PRRC2A: variants seen among roughly 807,000 people sequenced by gnomAD.
PRRC2A encodes the protein protein PRRC2A.
A neutral mutation model predicts 224.6 loss-of-function variants in PRRC2A; 59 were observed. The observed-to-expected ratio is 0.26, with a 90% CI of 0.21 to 0.33. PRRC2A has a LOEUF of 0.33. Among genes scored for constraint, PRRC2A ranks in the 10% least tolerant of loss-of-function variants. The pLI is 1.00. For missense variants in PRRC2A, 3,095 were observed against 2,880.7 expected, an observed-to-expected ratio of 1.07 and a Z score of -1.70; for synonymous variants, 1,194 against 1,109.5, an observed-to-expected ratio of 1.08 and a Z score of -1.51.
rs1403483690 is a variant in PRRC2A, at chr6:31,627,460, G to A, written c.1290+262G>A. On this transcript the variant is annotated intron_variant, in intron 11 of 30. Transcript: ENST00000376033. This position sits in a 1 kb window ranked among gnomAD's most constrained non-coding sequence, Gnocchi z 5.6. ...GGGTTTCGGAAGGAGAGAGGGAACA[G>A]AAAAATAAAAAGACTAGGGTGGCTA... Among the ~76,000 whole-genome samples, 1 of 152,132 alleles carries A rather than the reference G, an allele frequency of 6.6e-6. No individual in the cohort carries two copies. Among genetic ancestry groups the A allele is most frequent in the Non-Finnish European group, 1.5e-5 (1 of 68,006 alleles).
intron 20 of PRRC2A, 41 bp from the exon 21 acceptor site, chr6:31,634,712 T>C (rs2242657): frequency 0.14 from 219,023 of 1,595,806 alleles, 17,186 homozygotes; most frequent in Admixed American, 0.22. Context: ...TTGGGGTGCT[T>C]TCTACCCTGA....
In PRRC2A at chr6:31,633,577, C is replaced by A. The variant is rs780956114; in HGVS notation, c.4518C>A (p.Ala1506=). The A allele has an allele frequency of 1.2e-6, 2 of 1,612,978 alleles. No homozygotes were observed. The highest frequency in any genetic ancestry group is 1.1e-5 in the South Asian group (1 of 91,082). ...HPRHKPGLPQ[A]PQGPSPRPPT... is the part of the protein sequence containing the mutation. ...GGCACAAGCCTGGGCTTCCCCAAGC[C>A]CCTCAGGGCCCCTCTCCTAGGCCCC... Residue 1506 remains alanine (A), a synonymous_variant, in exon 17 of 31, where the codon GCC becomes GCA. Transcript: ENST00000376033.
rs756087886 is a variant in PRRC2A, at chr6:31,631,461, C to G, written c.2788C>G (p.Pro930Ala). 3 of 1,610,118 alleles carry G rather than the reference C, an allele frequency of 1.9e-6. No individual in the cohort carries two copies. ...CACAGAGACCCGCTGGGGCCCTCGT[C>G]CAGGGAGCAGTCGTCGTGGAATCCC... ...SRTETRWGPR[P>A]GSSRRGIPPE... Residue 930 changes from proline (P) to alanine (A), a missense_variant, in exon 16 of 31, where the codon CCA becomes GCA. Physicochemically the swap from Pro to Ala is conservative, Grantham distance 27. Coordinates refer to ENST00000376033, the MANE Select transcript of PRRC2A (RefSeq NM_004638.4). The surrounding 1 kb of genome is among the most constrained non-coding windows in gnomAD (Gnocchi z 4.5).
At position 31,633,501 on chromosome 6, in the gene PRRC2A, C is replaced by T. The variant is rs1031361708; in HGVS notation, c.4442C>T (p.Ala1481Val). The T allele has an allele frequency of 1.9e-6, 3 of 1,612,988 alleles. No homozygotes were observed. The highest frequency in any genetic ancestry group is 1.7e-5 in the Admixed American group (1 of 60,012). ...CCTGCTGGCATCCAACAGGCTCTGG[C>T]CCAGCTTAGTAGCCGTCAAGGGAGT... ...SNPAGIQQAL[A>V]QLSSRQGSVT... The change falls in exon 17 of 31, where the codon GCC (alanine) becomes GTC (valine). Residue 1481 changes from alanine to valine, a missense_variant. Around this residue, in one of 8 missense-constraint regions of PRRC2A, gnomAD observed 2,001 missense variants for 1,764.9 expected, o/e 1.13. Transcript: ENST00000376033.
chr6:31,629,910 G>T, intron 14 of PRRC2A, 65 bp downstream of exon 14: 11 of 1,590,152 alleles, frequency 6.9e-6, no homozygotes, highest in Non-Finnish European at 9.4e-6. Context: ...TGGATATTAG[G>T]GTCTTACTGT....
intron 9 of PRRC2A, 68 bp downstream of exon 9, chr6:31,626,230 C>G (rs1775896395): frequency 2.0e-6 from 3 of 1,529,182 alleles, no homozygotes; most frequent in East Asian, 2.3e-5. Flanking sequence ...AAAAAAAATA[C>G]AGGGTTATGT....
At chr6:31,623,034 C>T in intron 2 of PRRC2A, 133 bp downstream of exon 2, 1 of 840,812 alleles carries the variant, frequency 1.2e-6, no homozygotes. Context: ...CAACTTTACA[C>T]TGGGTCCTTT....
chr6:31,623,686 C>A (rs1372811402), intron 2 of PRRC2A, 46 bp from the exon 3 acceptor site: 6 of 1,594,590 alleles, frequency 3.8e-6, no homozygotes, highest in Admixed American at 1.7e-5. Context: ...GCCATCAGAT[C>A]TCCCACATGA....
rs1777404273 is a variant in PRRC2A, at chr6:31,636,801, T to C, written c.6003T>C (p.Pro2001=). 8.1e-6 allele frequency: 13 copies of C among 1,609,384 alleles called. No individual in the cohort carries two copies. The highest frequency in any genetic ancestry group is 1.1e-5 in the Non-Finnish European group (13 of 1,180,000). ...VNFGSLPPAP[P]PAPPPLSLLP... is the part of the protein sequence containing the mutation. ...TTGGCTCCCTGCCGCCAGCACCACC[T>C]CCTGCCCCACCTCCCCTTTCTCTGT... Residue 2001 remains proline (P), a synonymous_variant, in exon 28 of 31, where the codon CCT becomes CCC. Coordinates refer to ENST00000376033, the MANE Select transcript of PRRC2A (RefSeq NM_004638.4). This position sits in a 1 kb window ranked among gnomAD's most constrained non-coding sequence, Gnocchi z 4.3.
Position 31,629,550 on chromosome 6 carries a change from G to T in PRRC2A, c.1959G>T (p.Glu653Asp). The change falls in exon 14 of 31, where the codon GAG becomes GAT. Residue 653 changes from glutamate (E) to aspartate (D), a missense_variant and splice_region_variant. Glu to Asp is a conservative substitution (Grantham distance 45). Transcript: ENST00000376033. Reference protein sequence around the residue: ...LPPRFQRQQQEQLLKQQQQHQ... With the variant: ...LPPRFQRQQQDQLLKQQQQHQ... The stretch of plus-strand genomic sequence containing the variant: ...TCTTGTCTTTCCTCCTTTCCTAGGA[G>T]CAGCTCCTGAAGCAGCAGCAGCAGC... The T allele has an allele frequency of 6.5e-7, 1 of 1,546,046 alleles. No homozygotes were observed. Among genetic ancestry groups the T allele is most frequent in the Non-Finnish European group, 8.9e-7 (1 of 1,119,756 alleles).
At chr6:31,626,379 C>A (rs1775910902) in intron 9 of PRRC2A, among the ~76,000 whole-genome samples, 3 of 151,524 alleles carry the variant, frequency 2.0e-5, no homozygotes, top group South Asian at 4.2e-4. Flanking sequence ...ACAGCAAGAC[C>A]CCCCACCTCT....
At chr6:31,623,283 T>TC (rs1775520680) in intron 2 of PRRC2A, 3 of 393,832 alleles carry the variant, frequency 7.6e-6, no homozygotes, top group South Asian at 4.0e-5. Flanking sequence ...TTTTTTTTTT[T>TC]TGAGACCAAG....
In PRRC2A at chr6:31,637,304, C is replaced by T. The variant is rs751306045; in HGVS notation, c.6313C>T (p.Arg2105Cys). Residue 2105 changes from arginine to cysteine, a missense_variant, in exon 30 of 31, where the codon CGC becomes TGC. Arg to Cys is a radical substitution (Grantham distance 180). Transcript: ENST00000376033. ...CTACAGTGGAGTCTTCCGCACCCAG[C>T]GCGTCGACCTTTACCAGCAGGTGAA... ...STYSGVFRTQ[R>C]VDLYQQASPP... 26 of 1,611,930 alleles carry T rather than the reference C, an allele frequency of 1.6e-5. No homozygotes were observed. Among genetic ancestry groups the T allele is most frequent in the East Asian group, 2.2e-5 (1 of 44,886 alleles).
intron 2 of PRRC2A, 109 bp downstream of exon 2, chr6:31,623,010 T>A: frequency 2.0e-6 from 2 of 981,816 alleles, no homozygotes; most frequent in Non-Finnish European, 3.3e-6. Context: ...ACCAAAAGAC[T>A]AGAGGAGATT....
At chr6:31,635,552 A>G (rs200079858) in intron 23 of PRRC2A, 30 bp from the exon 24 acceptor site, 10 of 1,611,190 alleles carry the variant, frequency 6.2e-6, no homozygotes, top group Non-Finnish European at 8.5e-6. Context: ...GATGCCAGAC[A>G]TCCCTCTCCA....
rs1777381314 is a variant in PRRC2A at position 31,636,625 on chromosome 6, C to T, written c.5934+17C>T. On this transcript the variant is annotated intron_variant, in intron 27 of 30. Coordinates refer to ENST00000376033, the MANE Select transcript of PRRC2A (RefSeq NM_004638.4). The surrounding 1 kb of genome is among the most constrained non-coding windows in gnomAD (Gnocchi z 4.3). The stretch of plus-strand genomic sequence containing the variant: ...GCCCAGCAGGTATATTGTATCTTCA[C>T]ACTTCCCCTTCATTTGATTTCTCTG... The T allele has an allele frequency of 1.9e-6, 3 of 1,590,140 alleles. No homozygotes were observed. Among genetic ancestry groups the T allele is most frequent in the Non-Finnish European group, 2.6e-6 (3 of 1,165,184 alleles).
chr6:31,630,271 T>G (rs868490041), intron 14 of PRRC2A, among the ~76,000 whole-genome samples: 3 of 152,190 alleles, frequency 2.0e-5, no homozygotes, highest in Admixed American at 1.3e-4. Context: ...GAGCCGAGAT[T>G]GTGCCATCGC....
chr6:31,631,979 G>T lies in PRRC2A; in HGVS notation c.3306G>T (p.Arg1102=), dbSNP rs756110265. 1.2e-4 allele frequency: 189 copies of T among 1,612,480 alleles called. No individual in the cohort carries two copies. The highest frequency in any genetic ancestry group is 1.6e-4 in the Non-Finnish European group (185 of 1,179,786). Residue 1102 remains arginine (R), a synonymous_variant, in exon 16 of 31, where the codon CGG becomes CGT. Transcript: ENST00000376033. The surrounding 1 kb of genome is among the most constrained non-coding windows in gnomAD (Gnocchi z 4.5). The part of the protein sequence containing the change: ...SEYEEIPKRR[R]QRGSETGSET... ...ATGAGGAAATCCCCAAGCGGCGCCG[G>T]CAGCGGGGCTCAGAAACAGGCAGCG... is the stretch of plus-strand genomic sequence containing the variant.
At position 31,632,942 on chromosome 6, in the gene PRRC2A, C is replaced by A; in HGVS notation, c.4269C>A (p.Thr1423=). 6.2e-7 allele frequency: 1 copy of A among 1,607,586 alleles called. No homozygotes were observed. Among genetic ancestry groups the A allele is most frequent in the South Asian group, 1.1e-5 (1 of 90,876 alleles). Residue 1423 remains threonine (T), a synonymous_variant, in exon 16 of 31, where the codon ACC becomes ACA. Coordinates refer to ENST00000376033, the MANE Select transcript of PRRC2A (RefSeq NM_004638.4). ...GCGGTGGGGGTCCTGGAGGAAGGACCGGGCCAGGACGAGGCGACAAGAGGA... is the reference window on the plus strand; with the variant it reads ...GCGGTGGGGGTCCTGGAGGAAGGACAGGGCCAGGACGAGGCGACAAGAGGA... The part of the protein sequence containing the change: ...GGGGGGPGGR[T]GPGRGDKRSW...
Sources: gnomAD v4.1 joint callset for allele counts (sites outside exome capture counted in the v4.1 genomes callset) on GRCh38, gnomAD v4.1.1 for gene constraint, gnomAD v4.1.1 regional missense constraint, Gnocchi (gnomAD v3.1) non-coding constraint, MANE v1.5 for transcripts, NCBI Gene and HGNC (gene_info 2026-07-23, HGNC 2026-07-21) for gene names.